The following GPC4 variants were observed in gnomAD, a reference collection of about 807,000 sequenced individuals.
GPC4 encodes the protein glypican-4.
Under a neutral mutation model 35.0 loss-of-function variants are expected in GPC4, and 10 were observed. The observed-to-expected ratio is 0.29, with a 90% CI of 0.18 to 0.48. GPC4 has a LOEUF of 0.48. GPC4 is among the 20% of genes least tolerant of loss of function. The probability of loss-of-function intolerance (pLI) is 0.99; values close to 1 mark genes in which losing one functional copy is unlikely to be tolerated. For missense variants in GPC4, 322 were observed against 451.3 expected (o/e 0.71, Z 2.60); for synonymous variants, 167 against 170.2 (o/e 0.98, Z 0.15).
intron 1 of GPC4, among the ~76,000 whole-genome samples, chrX:133,376,856 G>A (rs1276749046): frequency 8.9e-6 from 1 of 111,810 alleles, no homozygotes; most frequent in Non-Finnish European, 1.9e-5. Context: ...TTGACAAGGA[G>A]GCACCGGGCA....
chrX:133,303,709 G>A (rs1311300271), intron 7 of GPC4, among the ~76,000 whole-genome samples: 1 of 109,919 alleles, frequency 9.1e-6, no homozygotes, highest in Non-Finnish European at 1.9e-5. Flanking sequence ...AAAATGAGCC[G>A]GGTGTGGTGG....
At chrX:133,311,618 G>A (rs1395721015) in intron 3 of GPC4, 195 bp from the exon 4 acceptor site, 12 of 458,262 alleles carry the variant, frequency 2.6e-5, no homozygotes, top group Non-Finnish European at 4.2e-5. Context: ...GGGAGAGGAG[G>A]GAGATGACCC....
intron 1 of GPC4, among the ~76,000 whole-genome samples, chrX:133,343,675 T>C (rs2068476407): frequency 9.0e-6 from 1 of 111,353 alleles, no homozygotes; most frequent in African/African-American, 3.3e-5. Flanking sequence ...CAATGAAGCG[T>C]GCTTTTAAAG....
intron 1 of GPC4, among the ~76,000 whole-genome samples, chrX:133,370,954 G>A (rs989110119): frequency 1.8e-5 from 2 of 112,006 alleles, no homozygotes; most frequent in Non-Finnish European, 3.8e-5. Context: ...AATCCTTAAT[G>A]CTTTTGTTTC....
chrX:133,384,448 G>A (rs753876020), intron 1 of GPC4, among the ~76,000 whole-genome samples: 1 of 111,377 alleles, frequency 9.0e-6, no homozygotes, highest in East Asian at 2.8e-4. Context: ...CTTTAGGGTT[G>A]CTATAAATGT....
At position 133,376,063 on chromosome X, in the gene GPC4, A is replaced by G. The variant is rs373953686; in HGVS notation, c.161-36722T>C. Among the ~76,000 whole-genome samples the G allele has an allele frequency of 1.4e-4, 16 of 112,177 alleles. No homozygotes were observed. The East Asian group carries it at 2.8e-3, about 20-fold the overall frequency. On this transcript the variant is annotated intron_variant, in intron 1 of 8. Coordinates refer to ENST00000370828, the MANE Select transcript of GPC4 (RefSeq NM_001448.3). The stretch of plus-strand genomic sequence containing the variant: ...GCCAAGTCTCCCCAGGGTTCTCCTA[A>G]TCCTCGGCAGCCACTGAAGACAGCC...
At chrX:133,322,001 A>G (rs1246429243) in intron 3 of GPC4, among the ~76,000 whole-genome samples, 1 of 111,932 alleles carries the variant, frequency 8.9e-6, no homozygotes, top group Admixed American at 9.5e-5. Context: ...ACCCAATTCT[A>G]ATATGAAAAA....
intron 1 of GPC4, among the ~76,000 whole-genome samples, chrX:133,377,014 A>G (rs2068636732): frequency 9.0e-6 from 1 of 111,289 alleles, no homozygotes; most frequent in African/African-American, 3.3e-5. Flanking sequence ...CATGGGTCAG[A>G]CTCCTGCCTT....
chrX:133,329,017 A>G (rs2068406636), intron 2 of GPC4, among the ~76,000 whole-genome samples: 1 of 111,880 alleles, frequency 8.9e-6, no homozygotes, highest in South Asian at 3.8e-4. Flanking sequence ...TATACATTCT[A>G]AAGATAAAGC....
chrX:133,329,875 T>C (rs1345841459), intron 2 of GPC4, among the ~76,000 whole-genome samples: 1 of 111,734 alleles, frequency 8.9e-6, no homozygotes, highest in Non-Finnish European at 1.9e-5. Flanking sequence ...ATAAATGTTT[T>C]CTATGTAAAT....
intron 1 of GPC4, among the ~76,000 whole-genome samples, chrX:133,351,887 C>T (rs2068517977): frequency 8.9e-6 from 1 of 112,141 alleles, no homozygotes; most frequent in African/African-American, 3.2e-5. Flanking sequence ...TTTGGCAACA[C>T]AAAAACATTG....
chrX:133,410,751 A>G (rs896925965), intron 1 of GPC4, among the ~76,000 whole-genome samples: 1 of 112,624 alleles, frequency 8.9e-6, no homozygotes, highest in Admixed American at 9.4e-5. Context: ...AATTATGCTG[A>G]ATCAGACATT....
chrX:133,363,159 T>C (rs1353785870), intron 1 of GPC4, among the ~76,000 whole-genome samples: 1 of 111,794 alleles, frequency 8.9e-6, no homozygotes, highest in Non-Finnish European at 1.9e-5. Flanking sequence ...TCTTTTATTA[T>C]TATCATTTTT....
At chrX:133,305,193 G>A (rs1419523518) in intron 6 of GPC4, among the ~76,000 whole-genome samples, 1 of 111,620 alleles carries the variant, frequency 9.0e-6, no homozygotes, top group African/African-American at 3.3e-5. Context: ...TCAGGATCAA[G>A]CATGTATATT....
intron 2 of GPC4, among the ~76,000 whole-genome samples, chrX:133,329,212 A>C (rs1413147129): frequency 8.9e-6 from 1 of 112,087 alleles, no homozygotes; most frequent in Non-Finnish European, 1.9e-5. Flanking sequence ...CCCATCCATA[A>C]AATGGGGCTA....
intron 4 of GPC4, among the ~76,000 whole-genome samples, chrX:133,310,202 C>T (rs2068308902): frequency 3.6e-5 from 4 of 111,436 alleles, no homozygotes. Context: ...AGCCAGAATA[C>T]TGCATACATG....
At chrX:133,353,463 G>A (rs1427740029) in intron 1 of GPC4, among the ~76,000 whole-genome samples, 1 of 111,956 alleles carries the variant, frequency 8.9e-6, no homozygotes, top group Non-Finnish European at 1.9e-5. Context: ...CTCTGACCTG[G>A]TGCAACTGGG....
intron 1 of GPC4, among the ~76,000 whole-genome samples, chrX:133,400,467 G>C (rs1335378288): frequency 8.9e-6 from 1 of 112,472 alleles, no homozygotes; most frequent in Non-Finnish European, 1.9e-5. Flanking sequence ...CAGAATTATT[G>C]AATCAATGTC....
intron 4 of GPC4, among the ~76,000 whole-genome samples, chrX:133,306,991 G>A (rs977507592): frequency 2.7e-5 from 3 of 112,149 alleles, no homozygotes; most frequent in Non-Finnish European, 3.8e-5. Context: ...TTAGGATTAT[G>A]AGGCTTAGTA....
Sources: allele counts gnomAD v4.1 joint callset (sites outside exome capture counted in the v4.1 genomes callset), GRCh38; gene constraint gnomAD v4.1.1; transcripts MANE v1.5; gene names NCBI Gene and HGNC (gene_info 2026-07-23, HGNC 2026-07-21).